Variants in CNTNAP2 observed in about 807,000 individuals in gnomAD.
CNTNAP2 encodes the protein contactin-associated protein-like 2.
In CNTNAP2, 98 loss-of-function variants were observed where a neutral mutation model predicts 155.2. The observed-to-expected ratio is 0.63, with a 90% CI of 0.54 to 0.75. The LOEUF is 0.75. Among genes scored for constraint, CNTNAP2 ranks in the 30% least tolerant of loss-of-function variants. CNTNAP2 has a pLI of 0.00. For missense variants in CNTNAP2, 1,727 were observed against 1,688.1 expected (o/e 1.02, Z -0.40); for synonymous variants, 651 against 631.2 (o/e 1.03, Z -0.47).
intron 14 of CNTNAP2, chr7:147,940,367 T>C (rs1436166471): frequency 1.4e-5 from 2 of 143,104 alleles, no homozygotes; most frequent in African/African-American, 5.1e-5. Context: ...CCAATATAGG[T>C]AGCGGTCCGA....
chr7:146,451,972 G>A (rs772153746), intron 1 of CNTNAP2, among the ~76,000 whole-genome samples: 50 of 150,934 alleles, frequency 3.3e-4, no homozygotes, highest in African/African-American at 1.1e-3. Context: ...GCAGTGGCGC[G>A]ATCTCGACTC....
chr7:147,910,131 C>CAA (rs1329414375), intron 14 of CNTNAP2, among the ~76,000 whole-genome samples: 1 of 152,128 alleles, frequency 6.6e-6, no homozygotes, highest in East Asian at 1.9e-4. Context: ...TATCCAACAC[C>CAA]TAATTCTGAA....
At chr7:147,729,106 G>A (rs992563534) in intron 13 of CNTNAP2, among the ~76,000 whole-genome samples, 1 of 151,096 alleles carries the variant, frequency 6.6e-6, no homozygotes, top group Admixed American at 6.6e-5. Flanking sequence ...GGCTTATTTT[G>A]TTCATTTTTT....
At chr7:148,249,081 T>C (rs1796323283) in intron 20 of CNTNAP2, among the ~76,000 whole-genome samples, 1 of 152,248 alleles carries the variant, frequency 6.6e-6, no homozygotes, top group African/African-American at 2.4e-5. Context: ...TATTATTATG[T>C]TATAAGGATT....
At chr7:146,727,967 G>A in intron 1 of CNTNAP2, among the ~76,000 whole-genome samples, 1 of 152,106 alleles carries the variant, frequency 6.6e-6, no homozygotes, top group Admixed American at 6.5e-5. Flanking sequence ...AAAAGATAAA[G>A]CACCTGCTGT....
chr7:147,832,478 C>A (rs957255230), intron 13 of CNTNAP2, among the ~76,000 whole-genome samples: 48 of 145,922 alleles, frequency 3.3e-4, no homozygotes, highest in Non-Finnish European at 3.8e-4. Flanking sequence ...ATATCTCACC[C>A]AATTAACTTT....
intron 14 of CNTNAP2, among the ~76,000 whole-genome samples, chr7:147,961,400 A>C (rs1801118480): frequency 6.6e-6 from 1 of 152,166 alleles, no homozygotes; most frequent in South Asian, 2.1e-4. Context: ...ACAAATATGC[A>C]GAGCAACAAT....
chr7:147,448,209 T>C (rs551700308), intron 10 of CNTNAP2, among the ~76,000 whole-genome samples: 1 of 152,214 alleles, frequency 6.6e-6, no homozygotes, highest in Non-Finnish European at 1.5e-5. Context: ...AATGTAAAAA[T>C]ATTCTTTTAA....
At chr7:147,995,163 G>A (rs1801780219) in intron 15 of CNTNAP2, among the ~76,000 whole-genome samples, 1 of 152,142 alleles carries the variant, frequency 6.6e-6, no homozygotes, top group South Asian at 2.1e-4. Flanking sequence ...GGTCACAAAG[G>A]CAGCCCCTAC....
chr7:147,643,295 T>A (rs979385407), intron 13 of CNTNAP2: 1 of 152,194 alleles, frequency 6.6e-6, no homozygotes, highest in Non-Finnish European at 1.5e-5. Context: ...AAATTTTAAA[T>A]CCTTCTGATA....
rs866146645 is a variant in CNTNAP2, at chr7:147,908,693, C to A, written c.2255+4972C>A. The stretch of plus-strand genomic sequence containing the variant: ...GAAATAAAAATGTAGCACATACATC[C>A]AAATGAAACTCACATATGTTAAACC... On this transcript the variant is annotated intron_variant, in intron 14 of 23. Coordinates refer to ENST00000361727, the MANE Select transcript of CNTNAP2 (RefSeq NM_014141.6). 2.0e-5 allele frequency among the ~76,000 whole-genome samples: 3 copies of A among 152,294 alleles called. No homozygotes were observed. The South Asian group carries it at 6.2e-4, about 32-fold the overall frequency.
rs534819672 is a variant in CNTNAP2 at position 147,278,215 on chromosome 7, C to T, written c.1349-21926C>T. Among the ~76,000 whole-genome samples, 5 of 151,494 alleles carry T rather than the reference C, an allele frequency of 3.3e-5. No individual in the cohort carries two copies. The South Asian group carries it at 1.0e-3, about 32-fold the overall frequency. On this transcript the variant is annotated intron_variant, in intron 8 of 23. Coordinates refer to ENST00000361727, the MANE Select transcript of CNTNAP2 (RefSeq NM_014141.6). Reference sequence around the variant, plus strand: ...TTCAGGTAGCTTTTCCATCAATTTCCATAAATAGAAACTTTTCCATGAAGT... The same window carrying T: ...TTCAGGTAGCTTTTCCATCAATTTCTATAAATAGAAACTTTTCCATGAAGT...
intron 1 of CNTNAP2, among the ~76,000 whole-genome samples, chr7:146,747,534 A>C (rs1454617789): frequency 2.0e-5 from 3 of 152,188 alleles, no homozygotes; most frequent in Admixed American, 6.5e-5. Flanking sequence ...ACCACTCCTT[A>C]ATCATCATCA....
chr7:146,623,488 G>T (rs1330274262), intron 1 of CNTNAP2, among the ~76,000 whole-genome samples: 3 of 152,130 alleles, frequency 2.0e-5, no homozygotes, highest in Non-Finnish European at 2.9e-5. Flanking sequence ...AGTTTTGTCT[G>T]TTCCAGAATG....
chr7:148,159,739 G>A (rs1438279915), intron 17 of CNTNAP2, among the ~76,000 whole-genome samples: 1 of 152,130 alleles, frequency 6.6e-6, no homozygotes, highest in African/African-American at 2.4e-5. Context: ...TGACCTATCA[G>A]TTTCTGAGTA....
At chr7:148,337,365 C>T (rs1035164821) in intron 21 of CNTNAP2, among the ~76,000 whole-genome samples, 19 of 152,134 alleles carry the variant, frequency 1.2e-4, no homozygotes, top group South Asian at 4.1e-4. Context: ...GAGGACTTTC[C>T]TTCTCTCCTA....
intron 1 of CNTNAP2, among the ~76,000 whole-genome samples, chr7:146,404,284 A>T (rs1344334629): frequency 6.6e-6 from 1 of 152,156 alleles, no homozygotes; most frequent in African/African-American, 2.4e-5. Flanking sequence ...GCTGAAGCAG[A>T]TGGGGACGCA....
At chr7:148,258,915 C>T (rs769898972) in intron 20 of CNTNAP2, among the ~76,000 whole-genome samples, 5 of 151,922 alleles carry the variant, frequency 3.3e-5, no homozygotes, top group African/African-American at 7.3e-5. Context: ...CGGTGGCTCA[C>T]ACCTGTAATC....
chr7:147,091,897 C>A (rs1049139250), intron 4 of CNTNAP2, among the ~76,000 whole-genome samples: 3 of 152,052 alleles, frequency 2.0e-5, no homozygotes, highest in Non-Finnish European at 2.9e-5. Context: ...TGAGCCACCG[C>A]GCCAGGCCAT....
Sources: gnomAD v4.1 joint callset for allele counts (sites outside exome capture counted in the v4.1 genomes callset) on GRCh38, gnomAD v4.1.1 for gene constraint, MANE v1.5 for transcripts, NCBI Gene and HGNC (gene_info 2026-07-23, HGNC 2026-07-21) for gene names.